IPO11: variants seen among roughly 807,000 people sequenced by gnomAD.
The protein encoded by IPO11 is importin-11.
In IPO11, 66 loss-of-function variants were observed where a neutral mutation model predicts 143.2. The observed-to-expected ratio is 0.46, with a 90% CI of 0.38 to 0.57. The LOEUF (loss-of-function observed/expected upper bound fraction) is 0.57, where lower values mean the gene tolerates loss of function less well. IPO11 is among the 20% of genes least tolerant of loss of function. The pLI, the probability that IPO11 is intolerant of heterozygous loss-of-function variation, is 0.00. For missense variants in IPO11, 1,026 were observed against 1,141.0 expected (o/e 0.90, Z 1.45); for synonymous variants, 385 against 377.8 (o/e 1.02, Z -0.22).
chr5:62,573,180 G>A (rs1744202017), intron 27 of IPO11, among the ~76,000 whole-genome samples: 1 of 152,048 alleles, frequency 6.6e-6, no homozygotes, highest in Non-Finnish European at 1.5e-5. Flanking sequence ...ACCACGCCCG[G>A]CTACTTTAAA....
At chr5:62,626,250 G>C (rs567224146) in intron 29 of IPO11, among the ~76,000 whole-genome samples, 1 of 152,144 alleles carries the variant, frequency 6.6e-6, no homozygotes, top group Non-Finnish European at 1.5e-5. Flanking sequence ...GGCTGGTCTC[G>C]AACTCCTGAC....
At chr5:62,448,371 C>G (rs1744792799) in intron 3 of IPO11, among the ~76,000 whole-genome samples, 1 of 152,144 alleles carries the variant, frequency 6.6e-6, no homozygotes, top group African/African-American at 2.4e-5. Flanking sequence ...TTCATTGAAT[C>G]TGCTTCATTG....
chr5:62,437,130 TAGAAA>T, intron 1 of IPO11, 139 bp from the exon 2 acceptor site: 1 of 533,732 alleles, frequency 1.9e-6, no homozygotes. Flanking sequence ...GGGGTATACT[TAGAAA>T]AGATAGAAAG....
chr5:62,549,711 TAAAC>T (rs1018164576), intron 24 of IPO11, among the ~76,000 whole-genome samples: 5 of 152,270 alleles, frequency 3.3e-5, no homozygotes, highest in South Asian at 4.1e-4. Context: ...AAAACAAAAA[TAAAC>T]AAACTCCACC....
At chr5:62,601,662 A>G (rs1745511529) in intron 28 of IPO11, 102 bp from the exon 29 acceptor site, 1 of 512,994 alleles carries the variant, frequency 1.9e-6, no homozygotes, top group Non-Finnish European at 3.2e-6. Context: ...TGAAAAACTA[A>G]GAACATAGAA....
intron 24 of IPO11, among the ~76,000 whole-genome samples, chr5:62,541,744 C>T (rs574760614): frequency 7.2e-5 from 11 of 151,866 alleles, no homozygotes; most frequent in African/African-American, 2.2e-4. Context: ...CAGAATAACA[C>T]AATCTTTTTA....
intron 2 of IPO11, among the ~76,000 whole-genome samples, chr5:62,441,638 A>G (rs529911407): frequency 7.0e-6 from 1 of 142,642 alleles, no homozygotes; most frequent in Non-Finnish European, 1.5e-5. Context: ...GCCTCAGCCT[A>G]CTAGCAGCTG....
At chr5:62,453,647 T>C (rs188822904) in intron 5 of IPO11, among the ~76,000 whole-genome samples, 156 of 152,288 alleles carry the variant, frequency 1.0e-3, no homozygotes, top group Non-Finnish European at 1.8e-3. Context: ...CTGTCTTCCA[T>C]GTCAAAAACA....
chr5:62,510,695 C>T (rs1741716030), intron 19 of IPO11, among the ~76,000 whole-genome samples: 1 of 152,006 alleles, frequency 6.6e-6, no homozygotes, highest in Admixed American at 6.5e-5. Context: ...CAGTTTTTTT[C>T]TCCTTCCTTT....
Position 62,416,099 on chromosome 5 carries a change from A to G in IPO11, c.-7+3170A>G, listed in dbSNP as rs1447135702. Among the ~76,000 whole-genome samples, 3 of 150,206 alleles carry G rather than the reference A, an allele frequency of 2.0e-5. No individual in the cohort carries two copies. The South Asian group carries it at 6.3e-4, about 32-fold the overall frequency. On this transcript the variant is annotated intron_variant, in intron 1 of 29. Transcript: ENST00000325324. ...CTCCATCCTTGGCTTGCAGATGGCC[A>G]CCTTCTTGCTGCCTTTTCTCGTGGT...
chr5:62,465,961 T>C (rs946871170), intron 5 of IPO11, among the ~76,000 whole-genome samples: 3 of 152,190 alleles, frequency 2.0e-5, no homozygotes, highest in African/African-American at 7.2e-5. Context: ...CTAGACCATA[T>C]AGCTCAGTAG....
chr5:62,483,162 A>G lies in IPO11; in HGVS notation c.890A>G (p.Glu297Gly). ...ACTCCTCTAATTCAGAGATCACTGG[A>G]ATTTTCTGTAAGCTATGTTTTTACA... ...SFTPLIQRSL[E>G]FSVSYVFTEV... Residue 297 changes from glutamate (E) to glycine (G), a missense_variant, in exon 10 of 30, where the codon GAA becomes GGA. By Grantham distance (98) the Glu-to-Gly change is moderately conservative. Around this residue, in one of 5 missense-constraint regions of IPO11, gnomAD observed 429 missense variants for 456.3 expected, o/e 0.94. Transcript: ENST00000325324. The G allele has an allele frequency of 6.2e-7, 1 of 1,610,262 alleles. No homozygotes were observed. The highest frequency in any genetic ancestry group is 8.5e-7 in the Non-Finnish European group (1 of 1,177,408).
intron 20 of IPO11, 67 bp from the exon 21 acceptor site, chr5:62,526,075 G>A (rs1742360872): frequency 3.2e-6 from 3 of 949,846 alleles, no homozygotes; most frequent in Non-Finnish European, 3.3e-6. Context: ...TGTATGATAG[G>A]TAATTTTTTG....
intron 1 of IPO11, among the ~76,000 whole-genome samples, chr5:62,418,358 G>T (rs1157742256): frequency 1.3e-5 from 2 of 151,928 alleles, no homozygotes; most frequent in Admixed American, 1.3e-4. Flanking sequence ...AGAGTATGTT[G>T]GTCAGGCTGA....
intron 27 of IPO11, chr5:62,580,947 G>A (rs190616274): frequency 6.4e-6 from 10 of 1,551,180 alleles, no homozygotes; most frequent in Admixed American, 2.0e-5. Context: ...GTGCTCTACC[G>A]AATGATGCTG....
intron 20 of IPO11, among the ~76,000 whole-genome samples, chr5:62,525,368 T>TTTG (rs1554053467): frequency 4.0e-5 from 6 of 149,334 alleles, no homozygotes; most frequent in African/African-American, 1.5e-4. Context: ...TTTTTTTTTT[T>TTTG]TGTGTGTGTG....
chr5:62,589,222 G>A (rs190141244), intron 27 of IPO11, among the ~76,000 whole-genome samples: 1 of 152,174 alleles, frequency 6.6e-6, no homozygotes, highest in African/African-American at 2.4e-5. Flanking sequence ...ACTCCCTCTA[G>A]TTATTACCCT....
At chr5:62,419,447 C>T (rs1296959668) in intron 1 of IPO11, among the ~76,000 whole-genome samples, 1 of 152,128 alleles carries the variant, frequency 6.6e-6, no homozygotes, top group Non-Finnish European at 1.5e-5. Flanking sequence ...TTGTGTAGTT[C>T]TACGTTGTTT....
At chr5:62,572,926 C>T (rs1286105814) in intron 27 of IPO11, among the ~76,000 whole-genome samples, 1 of 152,142 alleles carries the variant, frequency 6.6e-6, no homozygotes, top group Non-Finnish European at 1.5e-5. Context: ...GGTCACTGCA[C>T]ATTGTTCATT....
Sources: gnomAD v4.1 joint callset for allele counts (sites outside exome capture counted in the v4.1 genomes callset) on GRCh38, gnomAD v4.1.1 for gene constraint, gnomAD v4.1.1 regional missense constraint, MANE v1.5 for transcripts, NCBI Gene and HGNC (gene_info 2026-07-23, HGNC 2026-07-21) for gene names.